The following PTPRN2 variants were observed in gnomAD, a reference collection of about 807,000 sequenced individuals.
PTPRN2 encodes receptor-type tyrosine-protein phosphatase N2.
PTPRN2 carries 74 observed loss-of-function variants against 118.8 expected under a neutral mutation model. The ratio of observed to expected loss-of-function variants is 0.62; its 90% CI spans 0.52 to 0.76. PTPRN2 has a LOEUF of 0.76. Among genes scored for constraint, PTPRN2 ranks in the 30% least tolerant of loss-of-function variants. The pLI, the probability that PTPRN2 is intolerant of heterozygous loss-of-function variation, is 0.00. For missense variants in PTPRN2, 1,481 were observed against 1,394.4 expected (o/e 1.06, Z -0.99); for synonymous variants, 641 against 608.0 (o/e 1.05, Z -0.80).
chr7:158,393,975 G>A (rs1481828772), intron 2 of PTPRN2, among the ~76,000 whole-genome samples: 10 of 151,274 alleles, frequency 6.6e-5, no homozygotes, highest in Non-Finnish European at 1.0e-4. Context: ...CTTAAACTGT[G>A]CCATCAGCCC....
intron 3 of PTPRN2, among the ~76,000 whole-genome samples, chr7:158,234,318 T>C (rs905187011): frequency 6.8e-6 from 1 of 146,940 alleles, no homozygotes; most frequent in African/African-American, 2.5e-5. Context: ...AAGATCTGAA[T>C]AGACATTTTT....
intron 12 of PTPRN2, among the ~76,000 whole-genome samples, chr7:157,778,138 T>A (rs1230360511): frequency 6.6e-6 from 1 of 152,210 alleles, no homozygotes; most frequent in Non-Finnish European, 1.5e-5. Context: ...AGACTCCCTG[T>A]TTTCCTCCCT....
intron 3 of PTPRN2, among the ~76,000 whole-genome samples, chr7:158,210,197 G>A (rs1240529903): frequency 3.4e-5 from 5 of 146,620 alleles, no homozygotes; most frequent in Non-Finnish European, 5.9e-5. Flanking sequence ...GTGCAGTGGC[G>A]CGATCTCGGC....
intron 11 of PTPRN2, among the ~76,000 whole-genome samples, chr7:158,010,979 C>T (rs141143439): frequency 2.0e-5 from 3 of 152,294 alleles, no homozygotes; most frequent in East Asian, 3.9e-4. Flanking sequence ...ATCGCCTCCA[C>T]GGAGAAGGTT....
intron 13 of PTPRN2, among the ~76,000 whole-genome samples, chr7:157,677,899 G>A (rs1479078727): frequency 1.3e-5 from 2 of 152,212 alleles, no homozygotes; most frequent in African/African-American, 2.4e-5. Context: ...GGAGGAGGGA[G>A]GCACGGCCTT....
chr7:157,762,355 C>G (rs1163451522), intron 12 of PTPRN2, among the ~76,000 whole-genome samples: 2 of 151,964 alleles, frequency 1.3e-5, no homozygotes, highest in Non-Finnish European at 2.9e-5. Flanking sequence ...AAATGTCCAA[C>G]AATAATAGAC....
At chr7:158,205,986 T>C (rs1827112189) in intron 3 of PTPRN2, among the ~76,000 whole-genome samples, 1 of 152,146 alleles carries the variant, frequency 6.6e-6, no homozygotes, top group African/African-American at 2.4e-5. Context: ...CTAAATAAAC[T>C]TGAAGGCTGC....
chr7:158,382,796 A>T (rs559477772), intron 2 of PTPRN2, among the ~76,000 whole-genome samples: 1 of 152,314 alleles, frequency 6.6e-6, no homozygotes, highest in African/African-American at 2.4e-5. Context: ...GATTAACATG[A>T]ACAGAGAGGT....
Position 158,255,186 on chromosome 7 carries a change from AGGCAAT to A in PTPRN2, c.278-49919_278-49914del, listed in dbSNP as rs1796945663. 2.0e-5 allele frequency among the ~76,000 whole-genome samples: 3 copies of A among 152,326 alleles called. No individual in the cohort carries two copies. In the South Asian group the frequency reaches 6.2e-4, roughly 32 times the overall value. On this transcript the variant is annotated intron_variant, in intron 3 of 22. Coordinates refer to ENST00000389418, the MANE Select transcript of PTPRN2 (RefSeq NM_002847.5). ...GGTTCTTTGGCTAAAGACCCAGACA[AGGCAAT>A]GATCTACCCAACAAGATCACCAAGG...
intron 1 of PTPRN2, among the ~76,000 whole-genome samples, chr7:158,586,244 G>C (rs1015641035): frequency 6.6e-6 from 1 of 152,246 alleles, no homozygotes; most frequent in Non-Finnish European, 1.5e-5. Context: ...AGGAATTCAG[G>C]GGACTCTGGC....
intron 14 of PTPRN2, among the ~76,000 whole-genome samples, chr7:157,651,194 T>G (rs1277290399): frequency 6.6e-6 from 1 of 152,224 alleles, no homozygotes; most frequent in Non-Finnish European, 1.5e-5. Flanking sequence ...TCTGTGATCA[T>G]GGGAAATCTT....
At chr7:158,139,536 C>T (rs1346733684) in intron 6 of PTPRN2, among the ~76,000 whole-genome samples, 1 of 152,012 alleles carries the variant, frequency 6.6e-6, no homozygotes, top group South Asian at 2.1e-4. Context: ...AGAAAGCCCA[C>T]AAGTCTCTCA....
chr7:158,307,804 G>A (rs1248990172), intron 3 of PTPRN2, among the ~76,000 whole-genome samples: 1 of 152,120 alleles, frequency 6.6e-6, no homozygotes, highest in Non-Finnish European at 1.5e-5. Flanking sequence ...TGGGTCATGA[G>A]GGCTCTGCCC....
At chr7:158,098,229 G>A (rs1316972573) in intron 10 of PTPRN2, among the ~76,000 whole-genome samples, 2 of 152,238 alleles carry the variant, frequency 1.3e-5, no homozygotes, top group Non-Finnish European at 2.9e-5. Context: ...AGAAGCGCTG[G>A]ACGCAGCAAG....
At chr7:158,100,193 C>CTG (rs1321107249) in intron 10 of PTPRN2, among the ~76,000 whole-genome samples, 1 of 151,842 alleles carries the variant, frequency 6.6e-6, no homozygotes, top group East Asian at 1.9e-4. Flanking sequence ...ATCCAGCTTG[C>CTG]TGTGAATGCC....
At chr7:158,263,300 ACC>A (rs1233451012) in intron 3 of PTPRN2, among the ~76,000 whole-genome samples, 1 of 152,200 alleles carries the variant, frequency 6.6e-6, no homozygotes, top group Non-Finnish European at 1.5e-5. Flanking sequence ...ACATGTGCAC[ACC>A]GTGTGTGGGT....
At chr7:158,224,248 G>A (rs1828585879) in intron 3 of PTPRN2, among the ~76,000 whole-genome samples, 1 of 152,116 alleles carries the variant, frequency 6.6e-6, no homozygotes, top group African/African-American at 2.4e-5. Flanking sequence ...TGTAGATACA[G>A]AAAAGCAAGT....
chr7:158,273,774 AGGAGCCGCAGACACGG>A (rs1438126751), intron 3 of PTPRN2, among the ~76,000 whole-genome samples: 3 of 89,680 alleles, frequency 3.3e-5, no homozygotes, highest in Non-Finnish European at 6.6e-5. Context: ...CAGACATGGG[AGGAGCCGCAGACACGG>A]GGAGCCGCAG....
In PTPRN2 at chr7:158,214,329, G is replaced by A. The variant is rs189666545; in HGVS notation, c.278-9056C>T. 3.6e-3 allele frequency among the ~76,000 whole-genome samples: 553 copies of A among 151,586 alleles called. 2 individuals are homozygous for A. Among genetic ancestry groups the A allele is most frequent in the Non-Finnish European group, 4.8e-3 (327 of 67,950 alleles). The stretch of plus-strand genomic sequence containing the variant: ...AAGGACATGGTGGTGGATTCCCTGG[G>A]TTTTCTTTTTGCCTCAGGTACCTCA... On this transcript the variant is annotated intron_variant, in intron 3 of 22. Coordinates refer to ENST00000389418, the MANE Select transcript of PTPRN2 (RefSeq NM_002847.5).
Sources: allele counts gnomAD v4.1 joint callset (sites outside exome capture counted in the v4.1 genomes callset), GRCh38; gene constraint gnomAD v4.1.1; transcripts MANE v1.5; gene names NCBI Gene and HGNC (gene_info 2026-07-23, HGNC 2026-07-21).